Variants in CBLL1 observed in about 807,000 individuals in gnomAD.
CBLL1 encodes the protein Cbl proto-oncogene like 1.
CBLL1 carries 4 observed loss-of-function variants against 44.9 expected under a neutral mutation model. The ratio of observed to expected loss-of-function variants is 0.09; its 90% confidence interval spans 0.04 to 0.20. The LOEUF is 0.20. CBLL1 is among the 10% of genes least tolerant of loss of function. CBLL1 has a pLI of 1.00. For synonymous variants in CBLL1, 235 were observed against 202.2 expected, an observed-to-expected ratio of 1.16 and a Z score of -1.38; for missense variants, 569 against 636.7, an observed-to-expected ratio of 0.89 and a Z score of 1.14.
Position 107,760,014 on chromosome 7 carries a change from C to T in CBLL1, c.*836C>T, listed in dbSNP as rs368038020. ...TGGTCGGAATCACATATGCACCACA[C>T]ATACTGATCTTAAGTAACATTATTT... On this transcript the variant is annotated 3_prime_UTR_variant, in exon 6 of 6. Transcript: ENST00000440859. 17 of 152,406 alleles carry T rather than the reference C, an allele frequency of 1.1e-4. No homozygotes were observed. In the East Asian group the frequency reaches 2.1e-3, roughly 19 times the overall value. 9.4% of individuals were successfully genotyped at this position (152,406 alleles called of 1,614,324 possible). A position where few individuals can be genotyped will look rare whatever the true frequency, so the allele number is the denominator to read the frequency against.
rs1793642585 is a variant in CBLL1, at chr7:107,758,736, C to T, written c.1034C>T (p.Pro345Leu). Residue 345 changes from proline (P) to leucine (L), a missense_variant, in exon 6 of 6, where the codon CCA becomes CTA. Transcript: ENST00000440859. This position sits in a 1 kb window ranked among gnomAD's most constrained non-coding sequence, Gnocchi z 4.2. ...MPPQQHYAPP[P>L]PPPPPISHPM... ...CCACAGCAACATTATGCACCACCCC[C>T]ACCTCCTCCACCACCAATAAGCCAT... 1 of 1,613,758 alleles carries T rather than the reference C, an allele frequency of 6.2e-7. No individual in the cohort carries two copies. Among genetic ancestry groups the T allele is most frequent in the African/African-American group, 1.3e-5 (1 of 74,824 alleles).
intron 2 of CBLL1, among the ~76,000 whole-genome samples, chr7:107,750,130 G>A (rs1042522979): frequency 2.0e-5 from 3 of 151,642 alleles, no homozygotes; most frequent in African/African-American, 7.3e-5. Flanking sequence ...TTTAATTTTT[G>A]TAGTCATGGG....
At chr7:107,753,335 T>A in intron 2 of CBLL1, 76 bp from the exon 3 acceptor site, 1 of 903,802 alleles carries the variant, frequency 1.1e-6, no homozygotes, top group Non-Finnish European at 1.7e-6. Flanking sequence ...AAAAGGTCTA[T>A]TTTGCCATGT....
At chr7:107,757,227 T>C (rs145760012) in intron 5 of CBLL1, among the ~76,000 whole-genome samples, 156 of 152,334 alleles carry the variant, frequency 1.0e-3, no homozygotes, top group Admixed American at 4.0e-3. Flanking sequence ...TTAAATACTG[T>C]CACTTTCATT....
rs1201219537 is a variant in CBLL1 at position 107,758,914 on chromosome 7, A to G, written c.1212A>G (p.Pro404=). The G allele has an allele frequency of 1.2e-6, 2 of 1,613,716 alleles. No homozygotes were observed. Among genetic ancestry groups the G allele is most frequent in the East Asian group, 4.5e-5 (2 of 44,888 alleles). The change falls in exon 6 of 6, where the codon CCA becomes CCG. Residue 404 remains proline (P), a synonymous_variant. Transcript: ENST00000440859. The surrounding 1 kb of genome is among the most constrained non-coding windows in gnomAD (Gnocchi z 4.2). ...QMPPYMNHPP[P]GPPPPQHGGP... ...CACCTTATATGAATCATCCTCCTCCAGGACCTCCCCCACCTCAACATGGTG... is the reference window on the plus strand; with the variant it reads ...CACCTTATATGAATCATCCTCCTCCGGGACCTCCCCCACCTCAACATGGTG...
chr7:107,758,625 C>T lies in CBLL1; in HGVS notation c.923C>T (p.Pro308Leu), dbSNP rs755456822. 5 of 1,613,978 alleles carry T rather than the reference C, an allele frequency of 3.1e-6. No homozygotes were observed. The highest frequency in any genetic ancestry group is 2.7e-5 in the African/African-American group (2 of 74,982). ...QDDSNSGAREPPPPAPAPAHH... is the reference protein window; with the variant it reads ...QDDSNSGARELPPPAPAPAHH... ...GACTCAAATTCAGGTGCTAGAGAAC[C>T]ACCACCTCCTGCCCCAGCACCTGCT... The change falls in exon 6 of 6, where the codon CCA becomes CTA. Residue 308 changes from proline (P) to leucine (L), a missense_variant. Pro to Leu is a moderately conservative substitution (Grantham distance 98, BLOSUM62 -3). Coordinates refer to ENST00000440859, the MANE Select transcript of CBLL1 (RefSeq NM_024814.4). This position sits in a 1 kb window ranked among gnomAD's most constrained non-coding sequence, Gnocchi z 4.2.
intron 1 of CBLL1, chr7:107,744,616 G>C (rs1333301728): frequency 5.6e-6 from 1 of 179,214 alleles, no homozygotes; most frequent in African/African-American, 2.3e-5. Flanking sequence ...AGTCAGCTTT[G>C]GGCGGGTGCT....
chr7:107,754,348 T>C (rs1235777404), intron 4 of CBLL1, among the ~76,000 whole-genome samples: 1 of 152,062 alleles, frequency 6.6e-6, no homozygotes, highest in Non-Finnish European at 1.5e-5. Context: ...GCATTAATAA[T>C]ATTTATAATT....
Position 107,758,091 on chromosome 7 carries a change from A to T in CBLL1, c.441-52A>T. 6.7e-7 allele frequency: 1 copy of T among 1,481,944 alleles called. No homozygotes were observed. Among genetic ancestry groups the T allele is most frequent in the African/African-American group, 1.4e-5 (1 of 70,680 alleles). 91.8% of individuals were successfully genotyped at this position (1,481,944 alleles called of 1,614,324 possible). A position where few individuals can be genotyped will look rare whatever the true frequency, so the allele number is the denominator to read the frequency against. ...ACAAGCATATTTTTGAAAATTACAT[A>T]ATTTTTTGTATTCTCTTTTAGTAAA... On this transcript the variant is annotated intron_variant, in intron 5 of 5. Transcript: ENST00000440859. This position sits in a 1 kb window ranked among gnomAD's most constrained non-coding sequence, Gnocchi z 4.2.
intron 2 of CBLL1, among the ~76,000 whole-genome samples, chr7:107,752,035 T>C (rs1379285988): frequency 6.6e-6 from 1 of 151,822 alleles, no homozygotes; most frequent in African/African-American, 2.4e-5. Flanking sequence ...TCGTCTCTAC[T>C]AAAAATACAA....
intron 2 of CBLL1, among the ~76,000 whole-genome samples, chr7:107,751,202 A>C (rs1008035147): frequency 3.3e-5 from 5 of 152,190 alleles, no homozygotes; most frequent in Non-Finnish European, 7.4e-5. Flanking sequence ...AAGGAGCACC[A>C]ACCTAGATCC....
Position 107,759,502 on chromosome 7 carries a change from T to C in CBLL1, c.*324T>C, listed in dbSNP as rs1793680039. ...TTGTTTTACTTCAAAAGTATTGTTT[T>C]GTTAAACCCAACGTTTAGTTTTTCT... On this transcript the variant is annotated 3_prime_UTR_variant, in exon 6 of 6. Coordinates refer to ENST00000440859, the MANE Select transcript of CBLL1 (RefSeq NM_024814.4). 1 of 206,550 alleles carries C rather than the reference T, an allele frequency of 4.8e-6. No individual in the cohort carries two copies. Among genetic ancestry groups the C allele is most frequent in the Non-Finnish European group, 9.8e-6 (1 of 102,274 alleles). The allele number at this position is 206,550 out of a possible 1,614,324, so 12.8% of individuals were successfully genotyped here.
Position 107,761,586 on chromosome 7 carries a change from G to A in CBLL1, c.*2408G>A, listed in dbSNP as rs998675900. 1 of 152,114 alleles carries A rather than the reference G, an allele frequency of 6.6e-6. No homozygotes were observed. The highest frequency in any genetic ancestry group is 1.9e-4 in the East Asian group (1 of 5,330). 9.4% of individuals were successfully genotyped at this position (152,114 alleles called of 1,614,324 possible). A position where few individuals can be genotyped will look rare whatever the true frequency, so the allele number is the denominator to read the frequency against. ...GGACATAAGTCTAAATTAAATGTAT[G>A]TATGTTTCATTATATTGCTCTTAAG... On this transcript the variant is annotated 3_prime_UTR_variant, in exon 6 of 6. Coordinates refer to ENST00000440859, the MANE Select transcript of CBLL1 (RefSeq NM_024814.4).
At position 107,761,044 on chromosome 7, in the gene CBLL1, A is replaced by G. The variant is rs1368982770; in HGVS notation, c.*1866A>G. On this transcript the variant is annotated 3_prime_UTR_variant, in exon 6 of 6. Transcript: ENST00000440859. Reference sequence around the variant, plus strand: ...AAATGGTGGTGAGTGCTTCTATCATATTACTGTAGGTACTTGGACTGGTGC... The same window carrying G: ...AAATGGTGGTGAGTGCTTCTATCATGTTACTGTAGGTACTTGGACTGGTGC... The G allele has an allele frequency of 6.6e-6, 1 of 152,178 alleles. No homozygotes were observed. The highest frequency in any genetic ancestry group is 1.9e-4 in the East Asian group (1 of 5,344). The allele number at this position is 152,178 out of a possible 1,614,324, so 9.4% of individuals were successfully genotyped here.
intron 3 of CBLL1, 115 bp downstream of exon 3, chr7:107,753,626 C>G: frequency 1.7e-6 from 1 of 596,300 alleles, no homozygotes; most frequent in Non-Finnish European, 2.8e-6. Context: ...GAACTTATAA[C>G]TATGATTTTC....
chr7:107,749,146 A>G (rs1287218888), intron 2 of CBLL1, 99 bp downstream of exon 2: 3 of 954,008 alleles, frequency 3.1e-6, no homozygotes, highest in Non-Finnish European at 4.6e-6. Context: ...TGTCTTACAT[A>G]TTCTATTCAT....
Position 107,758,568 on chromosome 7 carries a change from A to G in CBLL1, c.866A>G (p.His289Arg). Residue 289 changes from histidine (H) to arginine (R), a missense_variant, in exon 6 of 6, where the codon CAC (histidine) becomes CGC (arginine). Coordinates refer to ENST00000440859, the MANE Select transcript of CBLL1 (RefSeq NM_024814.4). This position sits in a 1 kb window ranked among gnomAD's most constrained non-coding sequence, Gnocchi z 4.2. ...ACCTTTCGTATTTCAACAAGAAAACACAGCAATTTAATAACCGTCCCTATT... is the reference window on the plus strand; with the variant it reads ...ACCTTTCGTATTTCAACAAGAAAACGCAGCAATTTAATAACCGTCCCTATT... Reference protein sequence around the residue: ...QETFRISTRKHSNLITVPIQD... With the variant: ...QETFRISTRKRSNLITVPIQD... The G allele has an allele frequency of 1.2e-6, 2 of 1,613,990 alleles. No individual in the cohort carries two copies. Among genetic ancestry groups the G allele is most frequent in the Non-Finnish European group, 1.7e-6 (2 of 1,180,006 alleles).
chr7:107,749,283 AG>A (rs1793162644), intron 2 of CBLL1: 1 of 305,574 alleles, frequency 3.3e-6, no homozygotes, highest in Admixed American at 5.0e-5. Context: ...TAATCTCAAC[AG>A]TATTGCAGAA....
In CBLL1 at chr7:107,755,461, A is replaced by G; in HGVS notation, c.410A>G (p.His137Arg). 2 of 1,590,006 alleles carry G rather than the reference A, an allele frequency of 1.3e-6. No individual in the cohort carries two copies. Among genetic ancestry groups the G allele is most frequent in the South Asian group, 1.1e-5 (1 of 87,810 alleles). The stretch of plus-strand genomic sequence containing the variant: ...TTTTGCTATGACTGTGCTATTTTAC[A>G]TGAAAAAAAGGGAGATAAGATGTGT... ...HVFCYDCAIL[H>R]EKKGDKMCPG... The change falls in exon 5 of 6, where the codon CAT becomes CGT. Residue 137 changes from histidine (H) to arginine (R), a missense_variant. Transcript: ENST00000440859.
Sources: allele counts gnomAD v4.1 joint callset (sites outside exome capture counted in the v4.1 genomes callset), GRCh38; gene constraint gnomAD v4.1.1; non-coding constraint Gnocchi (gnomAD v3.1); transcripts MANE v1.5; gene names NCBI Gene and HGNC (gene_info 2026-07-23, HGNC 2026-07-21).